PIP4P2: variants seen among roughly 807,000 people sequenced by gnomAD.
PIP4P2 encodes the protein phosphatidylinositol-4,5-bisphosphate 4-phosphatase 2.
Under a neutral mutation model 33.3 loss-of-function variants are expected in PIP4P2, and 19 were observed. That is an observed-to-expected ratio of 0.57 (90% CI 0.40 to 0.84). PIP4P2 has a LOEUF of 0.84. Ranked by LOEUF, PIP4P2 falls within the 40% of genes least tolerant of loss-of-function variation. The probability of loss-of-function intolerance (pLI) is 0.00; values close to 1 mark genes in which losing one functional copy is unlikely to be tolerated. For missense variants in PIP4P2, 270 were observed against 324.7 expected, an observed-to-expected ratio of 0.83 and a Z score of 1.29; for synonymous variants, 110 against 111.9, an observed-to-expected ratio of 0.98 and a Z score of 0.11.
intron 1 of PIP4P2, among the ~76,000 whole-genome samples, chr8:91,027,556 T>C (rs1051748041): frequency 6.6e-5 from 10 of 152,194 alleles, no homozygotes; most frequent in African/African-American, 2.2e-4. Flanking sequence ...AATTGCAACA[T>C]TTTGATAATA....
rs1811618301 is a variant in PIP4P2 at position 90,995,654 on chromosome 8, G to GC, written c.*22dup. The GC allele has an allele frequency of 6.2e-7, 1 of 1,602,904 alleles. No individual in the cohort carries two copies. Among genetic ancestry groups the GC allele is most frequent in the African/African-American group, 1.3e-5 (1 of 74,200 alleles). Reference sequence around the variant, plus strand: ...CAAGAACTGCTAGACACTCTCACCTGCATTACTGAATCATAAACAAGCTTA... The same window carrying GC: ...CAAGAACTGCTAGACACTCTCACCTGCCATTACTGAATCATAAACAAGCTTA... On this transcript the variant is annotated 3_prime_UTR_variant, in exon 7 of 7. Coordinates refer to ENST00000285419, the MANE Select transcript of PIP4P2 (RefSeq NM_018710.3).
intron 5 of PIP4P2, among the ~76,000 whole-genome samples, chr8:91,004,442 G>C (rs926890592): frequency 1.3e-5 from 2 of 152,004 alleles, no homozygotes; most frequent in African/African-American, 4.8e-5. Flanking sequence ...CAGAAGTAAT[G>C]CTTTACCATT....
chr8:91,033,599 T>C (rs558296273), intron 1 of PIP4P2, among the ~76,000 whole-genome samples: 17 of 152,272 alleles, frequency 1.1e-4, no homozygotes, highest in African/African-American at 3.9e-4. Flanking sequence ...AGTGTTTTCA[T>C]GTCTCTCCTT....
rs1162666316 is a variant in PIP4P2, at chr8:90,996,669, A to C, written c.615T>G (p.Ile205Met). The change falls in exon 6 of 7, where the codon ATT (isoleucine) becomes ATG (methionine). Residue 205 changes from isoleucine to methionine, a missense_variant. By Grantham distance (10) the Ile-to-Met change is conservative. Transcript: ENST00000285419. ...TAACACTCACAGTTAACCCAACTCC[A>C]ATGAAAATACATATCATTCCAATGG... ...YITIGMICIFIGVGLTVGTPD... is the reference protein window; with the variant it reads ...YITIGMICIFMGVGLTVGTPD... 5.0e-6 allele frequency: 8 copies of C among 1,608,860 alleles called. No homozygotes were observed. In the African/African-American group the frequency reaches 9.4e-5, roughly 19 times the overall value.
At chr8:91,023,742 G>A (rs761309978) in intron 1 of PIP4P2, among the ~76,000 whole-genome samples, 1 of 152,070 alleles carries the variant, frequency 6.6e-6, no homozygotes, top group Non-Finnish European at 1.5e-5. Flanking sequence ...TACTTCACCA[G>A]CGCTTGTCAT....
At chr8:91,040,406 C>T (rs1178952523) in intron 1 of PIP4P2, among the ~76,000 whole-genome samples, 1 of 117,168 alleles carries the variant, frequency 8.5e-6, no homozygotes, top group East Asian at 2.2e-4. Context: ...ACCACCACCA[C>T]CACCACCACC....
Position 91,008,630 on chromosome 8 carries a change from G to A in PIP4P2, c.539+113C>T, listed in dbSNP as rs769250718. Reference sequence around the variant, plus strand: ...TTAAAAAGCATAAATACATTGGCATGGATTCACTCCACAGCATGTTTTAAA... The same window carrying A: ...TTAAAAAGCATAAATACATTGGCATAGATTCACTCCACAGCATGTTTTAAA... On this transcript the variant is annotated intron_variant, in intron 5 of 6. Coordinates refer to ENST00000285419, the MANE Select transcript of PIP4P2 (RefSeq NM_018710.3). 9.5e-6 allele frequency: 8 copies of A among 838,404 alleles called. No homozygotes were observed. The African/African-American group carries it at 1.0e-4, about 11-fold the overall frequency. 51.9% of individuals were successfully genotyped at this position (838,404 alleles called of 1,614,324 possible).
chr8:90,996,747 G>A lies in PIP4P2; in HGVS notation c.540-3C>T, dbSNP rs1174903094. The A allele has an allele frequency of 1.9e-6, 3 of 1,594,826 alleles. No homozygotes were observed. The highest frequency in any genetic ancestry group is 1.1e-5 in the South Asian group (1 of 87,898). The stretch of plus-strand genomic sequence containing the variant: ...GAAGTGCACTACCCACTGAGGAGCT[G>A]CAAATTCATGAAAGCAAAAGAGAAC... On this transcript the variant is annotated splice_region_variant and splice_polypyrimidine_tract_variant and intron_variant, in intron 5 of 6. Coordinates refer to ENST00000285419, the MANE Select transcript of PIP4P2 (RefSeq NM_018710.3).
At position 90,995,790 on chromosome 8, in the gene PIP4P2, G is replaced by A. The variant is rs777975247; in HGVS notation, c.661C>T (p.Arg221Ter). The A allele has an allele frequency of 1.9e-6, 3 of 1,608,334 alleles. No individual in the cohort carries two copies. Among genetic ancestry groups the A allele is most frequent in the Admixed American group, 3.4e-5 (2 of 58,762 alleles). Residue 221 changes from arginine (R) to a stop codon, truncating the protein, a stop_gained, in exon 7 of 7, where the codon CGA becomes TGA. Coordinates refer to ENST00000285419, the MANE Select transcript of PIP4P2 (RefSeq NM_018710.3). LOFTEE classifies it high-confidence loss of function. ...VGTPDFARRFRATYVSWAIAY... is the reference protein window; with the variant it reads ...VGTPDFARRF ...ATTGCCCAAGAAACATAGGTTGCTC[G>A]AAATCGCCTTGCAAAATCTGGGGTG...
chr8:91,037,259 C>T (rs1248530182), intron 1 of PIP4P2, among the ~76,000 whole-genome samples: 1 of 152,144 alleles, frequency 6.6e-6, no homozygotes, highest in South Asian at 2.1e-4. Flanking sequence ...TTTTGCAGTG[C>T]ATTTCCTACT....
intron 5 of PIP4P2, among the ~76,000 whole-genome samples, chr8:91,003,436 C>G (rs148575786): frequency 3.5e-4 from 54 of 152,152 alleles, no homozygotes; most frequent in African/African-American, 1.2e-3. Context: ...AAAAAATACA[C>G]TAATATTTCT....
intron 2 of PIP4P2, among the ~76,000 whole-genome samples, chr8:91,020,971 T>C (rs1018715890): frequency 5.9e-5 from 9 of 152,316 alleles, no homozygotes; most frequent in Non-Finnish European, 1.2e-4. Context: ...TGGATAGATA[T>C]TGAAAGTATT....
intron 4 of PIP4P2, among the ~76,000 whole-genome samples, chr8:91,010,137 T>C (rs948183122): frequency 1.3e-5 from 2 of 152,040 alleles, no homozygotes; most frequent in Non-Finnish European, 2.9e-5. Flanking sequence ...GCTAAACAGA[T>C]ATTAATATAG....
intron 5 of PIP4P2, among the ~76,000 whole-genome samples, chr8:91,001,394 G>A (rs752766201): frequency 7.3e-5 from 11 of 151,458 alleles, no homozygotes; most frequent in Non-Finnish European, 1.6e-4. Context: ...TGCCCATCCC[G>A]CACCCTGTGC....
intron 1 of PIP4P2, among the ~76,000 whole-genome samples, chr8:91,029,946 G>A (rs187167392): frequency 6.6e-6 from 1 of 152,180 alleles, no homozygotes; most frequent in East Asian, 1.9e-4. Context: ...CAGCCTGGGC[G>A]ACAGAGCGAG....
chr8:91,004,687 G>A (rs1811744834), intron 5 of PIP4P2, among the ~76,000 whole-genome samples: 2 of 152,134 alleles, frequency 1.3e-5, no homozygotes, highest in African/African-American at 4.8e-5. Flanking sequence ...GAAGGTATAA[G>A]CCTTGGAAAG....
chr8:91,021,202 G>C, intron 2 of PIP4P2, 54 bp downstream of exon 2: 1 of 1,589,608 alleles, frequency 6.3e-7, no homozygotes, highest in Non-Finnish European at 8.6e-7. Context: ...CTTCCTTTAG[G>C]AATAAAATGT....
intron 1 of PIP4P2, among the ~76,000 whole-genome samples, chr8:91,025,768 T>C (rs1438146905): frequency 6.6e-6 from 1 of 152,182 alleles, no homozygotes; most frequent in African/African-American, 2.4e-5. Flanking sequence ...CTAATTTTCA[T>C]TGCAAGTATT....
intron 5 of PIP4P2, among the ~76,000 whole-genome samples, chr8:91,002,798 G>GAGTA (rs1811716048): frequency 6.6e-6 from 1 of 152,144 alleles, no homozygotes; most frequent in South Asian, 2.1e-4. Context: ...GCAAGGAAAG[G>GAGTA]AGTAGCCAGG....
Sources: allele counts gnomAD v4.1 joint callset (sites outside exome capture counted in the v4.1 genomes callset), GRCh38; gene constraint gnomAD v4.1.1; transcripts MANE v1.5; gene names NCBI Gene and HGNC (gene_info 2026-07-23, HGNC 2026-07-21).